Variants in PARG observed in about 807,000 individuals in gnomAD.
The protein encoded by PARG is mitochondrial poly(ADP-ribose) glycohydrolase.
PARG carries 35 observed loss-of-function variants against 113.0 expected under a neutral mutation model. That is an observed-to-expected ratio of 0.31 (90% CI 0.24 to 0.41). The LOEUF is 0.41. Ranked by LOEUF, PARG falls within the 10% of genes least tolerant of loss-of-function variation. The probability of loss-of-function intolerance (pLI) is 1.00; values close to 1 mark genes in which losing one functional copy is unlikely to be tolerated. For missense variants in PARG, 797 were observed against 1,169.4 expected (o/e 0.68, Z 4.64); for synonymous variants, 330 against 409.9 (o/e 0.81, Z 2.36).
At chr10:49,876,972 T>C (rs1427943756) in intron 9 of PARG, among the ~76,000 whole-genome samples, 1 of 151,634 alleles carries the variant, frequency 6.6e-6, no homozygotes, top group African/African-American at 2.4e-5. Context: ...TTGCTAACAC[T>C]AGGATTTTAA....
chr10:49,912,730 T>C (rs1428243094), intron 7 of PARG, among the ~76,000 whole-genome samples: 1 of 152,084 alleles, frequency 6.6e-6, no homozygotes, highest in Non-Finnish European at 1.5e-5. Context: ...TTTGGGAGGC[T>C]GAGGAGCGAA....
intron 15 of PARG, among the ~76,000 whole-genome samples, chr10:49,839,124 G>A (rs1325703886): frequency 6.6e-6 from 1 of 152,062 alleles, no homozygotes; most frequent in Non-Finnish European, 1.5e-5. Flanking sequence ...ATAACCTGAG[G>A]TCAGGAGTTG....
chr10:49,857,697 G>A (rs1846061282), intron 12 of PARG, among the ~76,000 whole-genome samples: 1 of 151,864 alleles, frequency 6.6e-6, no homozygotes, highest in Admixed American at 6.6e-5. Flanking sequence ...GGAGCTTTTA[G>A]GCAAAATATT....
chr10:49,932,238 G>A lies in PARG; in HGVS notation c.1317C>T (p.Ile439=), dbSNP rs1838528565. The change falls in exon 4 of 18, where the codon ATC becomes ATT. Residue 439 remains isoleucine (I), a synonymous_variant. Transcript: ENST00000616448. ...ETKHQRTERK[I]PKYVPPHLSP... ...AAAGGTGAGGTGGAACGTATTTAGG[G>A]ATCTTCCTTTCTGTTCTTTGATGTT... is the stretch of plus-strand genomic sequence containing the variant. 3 of 1,597,566 alleles carry A rather than the reference G, an allele frequency of 1.9e-6. No homozygotes were observed. The South Asian group carries it at 3.3e-5, about 18-fold the overall frequency.
At chr10:49,902,926 G>A (rs1390088629) in intron 7 of PARG, among the ~76,000 whole-genome samples, 3 of 151,396 alleles carry the variant, frequency 2.0e-5, no homozygotes, top group Admixed American at 6.6e-5. Context: ...TCTGCCTCCC[G>A]GGTTCAAGTG....
intron 6 of PARG, among the ~76,000 whole-genome samples, chr10:49,917,599 T>C (rs1837569984): frequency 6.6e-6 from 1 of 151,004 alleles, no homozygotes; most frequent in African/African-American, 2.4e-5. Context: ...GGCAGGTGAA[T>C]CGCTTGAGTC....
intron 7 of PARG, among the ~76,000 whole-genome samples, chr10:49,907,395 A>G (rs1296537264): frequency 6.6e-6 from 1 of 152,176 alleles, no homozygotes; most frequent in African/African-American, 2.4e-5. Flanking sequence ...GAGAAAGACC[A>G]TTGGCTTAGT....
At chr10:49,931,324 C>T (rs1196232926) in intron 4 of PARG, among the ~76,000 whole-genome samples, 3 of 152,050 alleles carry the variant, frequency 2.0e-5, no homozygotes, top group African/African-American at 7.3e-5. Flanking sequence ...AGACTGCCAC[C>T]GTAGGACTAA....
chr10:49,835,231 G>A (rs1273866049), intron 15 of PARG, among the ~76,000 whole-genome samples: 1 of 152,140 alleles, frequency 6.6e-6, no homozygotes, highest in Non-Finnish European at 1.5e-5. Flanking sequence ...GCTCTATATT[G>A]GCAAATGCGT....
At chr10:49,914,155 G>A (rs1390186790) in intron 7 of PARG, among the ~76,000 whole-genome samples, 4 of 152,118 alleles carry the variant, frequency 2.6e-5, no homozygotes, top group African/African-American at 9.7e-5. Context: ...TCATAGCAAG[G>A]TGACAGAGGT....
chr10:49,822,690 G>T lies in PARG; in HGVS notation c.2648-2397C>A, dbSNP rs530080827. ...TACAGATTGCTTATTAGTTACAAGA[G>T]AGGAAAAAAATCCTCAACTCTGCAG... On this transcript the variant is annotated intron_variant, in intron 16 of 17. Transcript: ENST00000616448. Among the ~76,000 whole-genome samples the T allele has an allele frequency of 4.6e-5, 7 of 152,226 alleles. No individual in the cohort carries two copies. In the South Asian group the frequency reaches 1.2e-3, roughly 27 times the overall value.
chr10:49,865,477 A>ACATACACC, intron 10 of PARG, 96 bp from the exon 11 acceptor site: 1 of 545,626 alleles, frequency 1.8e-6, no homozygotes, highest in Non-Finnish European at 3.4e-6. Context: ...ACACACACAC[A>ACATACACC]CACACACTCG....
At chr10:49,838,431 CAAAAAAAAAAAAA>C (rs782657099) in intron 15 of PARG, among the ~76,000 whole-genome samples, 46 of 40,310 alleles carry the variant, frequency 1.1e-3, no homozygotes, top group Admixed American at 0.011. Flanking sequence ...AACTCCGTCT[CAAAAAAAAAAAAA>C]AAAAAAAAAA....
intron 16 of PARG, among the ~76,000 whole-genome samples, chr10:49,830,683 G>A (rs974248769): frequency 2.0e-5 from 3 of 152,002 alleles, no homozygotes; most frequent in Non-Finnish European, 4.4e-5. Flanking sequence ...CAATAAACAC[G>A]AAAACTGTTG....
intron 7 of PARG, among the ~76,000 whole-genome samples, chr10:49,899,633 A>G (rs1445309354): frequency 6.6e-6 from 1 of 152,184 alleles, no homozygotes; most frequent in Admixed American, 6.5e-5. Flanking sequence ...TAACTTATTT[A>G]GTTCATGGAC....
Position 49,818,797 on chromosome 10 carries a change from G to A in PARG, c.*543C>T, listed in dbSNP as rs937476796. 6.6e-6 allele frequency: 1 copy of A among 152,076 alleles called. No individual in the cohort carries two copies. Among genetic ancestry groups the A allele is most frequent in the African/African-American group, 2.4e-5 (1 of 41,382 alleles). 9.4% of individuals were successfully genotyped at this position (152,076 alleles called of 1,614,324 possible). A position where few individuals can be genotyped will look rare whatever the true frequency, so the allele number is the denominator to read the frequency against. On this transcript the variant is annotated 3_prime_UTR_variant, in exon 18 of 18. Transcript: ENST00000616448. ...AAATAAAGAAACTATTTTAACCTAG[G>A]AGGTTTGCATTATGCAACACATATG... is the stretch of plus-strand genomic sequence containing the variant.
intron 12 of PARG, among the ~76,000 whole-genome samples, chr10:49,858,331 T>TCACACACACACACACA (rs3048417): frequency 2.1e-5 from 3 of 145,140 alleles, no homozygotes; most frequent in East Asian, 2.0e-4. Context: ...AGGAGTTAGA[T>TCACACACACACACACA]CACACACACA....
intron 8 of PARG, among the ~76,000 whole-genome samples, chr10:49,880,181 T>C (rs1162116998): frequency 1.3e-5 from 2 of 152,206 alleles, no homozygotes; most frequent in Non-Finnish European, 2.9e-5. Context: ...TATATAACAT[T>C]GTTTAAGCTA....
At chr10:49,873,464 C>G (rs1414222937) in intron 9 of PARG, among the ~76,000 whole-genome samples, 3 of 151,544 alleles carry the variant, frequency 2.0e-5, no homozygotes, top group African/African-American at 7.3e-5. Context: ...TTGCTCATGA[C>G]AGGCTTTGAG....
Sources: allele counts gnomAD v4.1 joint callset (sites outside exome capture counted in the v4.1 genomes callset), GRCh38; gene constraint gnomAD v4.1.1; transcripts MANE v1.5; gene names NCBI Gene and HGNC (gene_info 2026-07-23, HGNC 2026-07-21).